The following FHOD3 variants were observed in gnomAD, a reference collection of about 807,000 sequenced individuals.
FHOD3 encodes the protein formin homology 2 domain containing 3, also known as FH1/FH2 domain-containing protein 3.
Under a neutral mutation model 173.0 loss-of-function variants are expected in FHOD3, and 90 were observed. The ratio of observed to expected loss-of-function variants is 0.52; its 90% CI spans 0.44 to 0.62. The LOEUF (loss-of-function observed/expected upper bound fraction) is 0.62, where lower values mean the gene tolerates loss of function less well. Ranked by LOEUF, FHOD3 falls within the 20% of genes least tolerant of loss-of-function variation. FHOD3 has a pLI of 0.00. For synonymous variants in FHOD3, 828 were observed against 823.0 expected, an observed-to-expected ratio of 1.01 and a Z score of -0.10; for missense variants, 1,945 against 2,034.7, an observed-to-expected ratio of 0.96 and a Z score of 0.85.
chr18:36,756,511 G>T (rs1443273569), intron 25 of FHOD3, among the ~76,000 whole-genome samples: 1 of 152,096 alleles, frequency 6.6e-6, no homozygotes, highest in Non-Finnish European at 1.5e-5. Context: ...TGCTGGGGGA[G>T]GAAGAAAACC....
intron 19 of FHOD3, among the ~76,000 whole-genome samples, chr18:36,720,236 CTTTTTTT>C (rs35295640): frequency 8.4e-6 from 1 of 119,184 alleles, no homozygotes; most frequent in South Asian, 2.8e-4. Flanking sequence ...CGTTCCAATT[CTTTTTTT>C]TTTTTTTTTT....
intron 1 of FHOD3, among the ~76,000 whole-genome samples, chr18:36,313,474 T>C (rs78426475): frequency 0.04 from 6,054 of 152,248 alleles, 374 homozygotes; most frequent in African/African-American, 0.13. Context: ...TGATCTGTTT[T>C]CTTTCCCTGT....
chr18:36,533,072 C>T (rs972598458), intron 5 of FHOD3, among the ~76,000 whole-genome samples: 12 of 152,220 alleles, frequency 7.9e-5, no homozygotes, highest in Admixed American at 5.2e-4. Flanking sequence ...TATGCTTCCT[C>T]GAGGCCACAG....
intron 14 of FHOD3, among the ~76,000 whole-genome samples, chr18:36,666,642 T>C (rs1213061044): frequency 6.6e-6 from 1 of 152,254 alleles, no homozygotes; most frequent in Non-Finnish European, 1.5e-5. Context: ...TTTTATGAAC[T>C]TAGTTTTTGC....
chr18:36,440,007 T>A (rs1203011008), intron 3 of FHOD3, among the ~76,000 whole-genome samples: 1 of 152,132 alleles, frequency 6.6e-6, no homozygotes, highest in Non-Finnish European at 1.5e-5. Context: ...CCAGAAATAA[T>A]GTCTTACTAG....
chr18:36,723,082 G>T (rs2040871836), intron 19 of FHOD3, among the ~76,000 whole-genome samples: 1 of 152,082 alleles, frequency 6.6e-6, no homozygotes, highest in South Asian at 2.1e-4. Flanking sequence ...AGAATAAAAT[G>T]ACCCCAGAGA....
chr18:36,704,515 G>A (rs1815834), intron 17 of FHOD3, among the ~76,000 whole-genome samples: 79,740 of 152,094 alleles, frequency 0.52, 21,118 homozygotes, highest in South Asian at 0.57. Context: ...CCTCCATCCA[G>A]GGTGGTTATG....
At chr18:36,661,903 C>T (rs1030877003) in intron 14 of FHOD3, among the ~76,000 whole-genome samples, 4 of 152,056 alleles carry the variant, frequency 2.6e-5, no homozygotes, top group Admixed American at 6.6e-5. Context: ...CAAAACAAAA[C>T]GAGAAAACCA....
rs73949447 is a variant in FHOD3, at chr18:36,350,806, A to T, written c.166-4733A>T. Reference sequence around the variant, plus strand: ...ATTAATCACCACTCACTGTCTATTCATATTGTTTTTAGTTCTTCGGAAAGT... The same window carrying T: ...ATTAATCACCACTCACTGTCTATTCTTATTGTTTTTAGTTCTTCGGAAAGT... On this transcript the variant is annotated intron_variant, in intron 1 of 28. Transcript: ENST00000590592. Among the ~76,000 whole-genome samples, 432 of 152,320 alleles carry T rather than the reference A, an allele frequency of 2.8e-3. 4 individuals are homozygous for T. The highest frequency in any genetic ancestry group is 0.01 in the African/African-American group (416 of 41,572).
intron 3 of FHOD3, among the ~76,000 whole-genome samples, chr18:36,475,739 T>C (rs1222451343): frequency 6.8e-6 from 1 of 147,800 alleles, no homozygotes; most frequent in Non-Finnish European, 1.5e-5. Context: ...TTTTACTTCA[T>C]ATATAGAAAC....
At chr18:36,441,220 A>C (rs2051127970) in intron 3 of FHOD3, among the ~76,000 whole-genome samples, 1 of 152,048 alleles carries the variant, frequency 6.6e-6, no homozygotes, top group African/African-American at 2.4e-5. Flanking sequence ...CTGGATGTTG[A>C]GGTGTGCTTC....
At chr18:36,432,577 A>G (rs912660361) in intron 3 of FHOD3, among the ~76,000 whole-genome samples, 5 of 152,288 alleles carry the variant, frequency 3.3e-5, no homozygotes, top group African/African-American at 1.2e-4. Context: ...GAACCCTTGC[A>G]TGTATGCTGG....
At chr18:36,471,394 G>A (rs1250546291) in intron 3 of FHOD3, among the ~76,000 whole-genome samples, 1 of 152,126 alleles carries the variant, frequency 6.6e-6, no homozygotes, top group East Asian at 1.9e-4. Flanking sequence ...CTCCCAGAAG[G>A]CTTCAAAATT....
intron 1 of FHOD3, among the ~76,000 whole-genome samples, chr18:36,343,746 T>A (rs1263056636): frequency 6.6e-6 from 1 of 152,122 alleles, no homozygotes; most frequent in Non-Finnish European, 1.5e-5. Flanking sequence ...CCAGCAGGAC[T>A]GTGAGCCAGA....
At chr18:36,561,333 G>C (rs911204650) in intron 5 of FHOD3, among the ~76,000 whole-genome samples, 9 of 152,148 alleles carry the variant, frequency 5.9e-5, no homozygotes, top group Non-Finnish European at 1.0e-4. Flanking sequence ...AGACAGGATG[G>C]GTGGCGGTGA....
chr18:36,690,442 T>C (rs2038890692), intron 16 of FHOD3, among the ~76,000 whole-genome samples: 1 of 152,136 alleles, frequency 6.6e-6, no homozygotes, highest in South Asian at 2.1e-4. Context: ...TGACAGTCAT[T>C]GCATGGGCCG....
intron 1 of FHOD3, among the ~76,000 whole-genome samples, chr18:36,318,380 T>C (rs2044230742): frequency 6.6e-6 from 1 of 152,254 alleles, no homozygotes; most frequent in African/African-American, 2.4e-5. Context: ...CTTCCATTTG[T>C]TTGTGTACTC....
chr18:36,467,266 A>G (rs1169642735), intron 3 of FHOD3, among the ~76,000 whole-genome samples: 1 of 152,180 alleles, frequency 6.6e-6, no homozygotes, highest in Non-Finnish European at 1.5e-5. Flanking sequence ...AGTAATTCTG[A>G]CAGACTGTCA....
At chr18:36,357,967 G>T (rs1314790309) in intron 2 of FHOD3, among the ~76,000 whole-genome samples, 5 of 151,056 alleles carry the variant, frequency 3.3e-5, no homozygotes, top group African/African-American at 1.2e-4. Context: ...TGTGGGAGAA[G>T]AATAATATTT....
Sources: allele counts gnomAD v4.1 joint callset (sites outside exome capture counted in the v4.1 genomes callset), GRCh38; gene constraint gnomAD v4.1.1; transcripts MANE v1.5; gene names NCBI Gene and HGNC (gene_info 2026-07-23, HGNC 2026-07-21).